BTN2A1: variants seen among roughly 807,000 people sequenced by gnomAD.
BTN2A1 encodes the protein butyrophilin subfamily 2 member A1.
Under a neutral mutation model 34.5 loss-of-function variants are expected in BTN2A1, and 41 were observed. The observed-to-expected ratio is 1.19, with a 90% confidence interval of 0.93 to 1.54. The LOEUF (loss-of-function observed/expected upper bound fraction) is 1.54. BTN2A1 is among the 40% of genes most tolerant of loss of function. The pLI is 0.00. For synonymous variants in BTN2A1, 267 were observed against 258.6 expected, an observed-to-expected ratio of 1.03 and a Z score of -0.31; for missense variants, 642 against 662.0, an observed-to-expected ratio of 0.97 and a Z score of 0.33.
exon 8 of BTN2A1, chr6:26,476,580 G>A: frequency 3.6e-6 from 1 of 276,668 alleles, no homozygotes; most frequent in African/African-American, 2.2e-5. Flanking sequence ...CAAGCCACTG[G>A]GCACTCATAT....
chr6:26,462,458 G>T (rs889136633), intron 3 of BTN2A1, among the ~76,000 whole-genome samples: 1 of 152,202 alleles, frequency 6.6e-6, no homozygotes, highest in East Asian at 1.9e-4. Flanking sequence ...GAAGCAGGAG[G>T]ATCTCTTGAG....
chr6:26,476,046 A>AG, intron 7 of BTN2A1: 1 of 1,179,048 alleles, frequency 8.5e-7, no homozygotes, highest in Non-Finnish European at 1.2e-6. Context: ...TTTTTAGTGT[A>AG]GTGATTTCAA....
Position 26,468,168 on chromosome 6 carries a change from G to C in BTN2A1, c.1203G>C (p.Gly401=). 1 of 1,614,184 alleles carries C rather than the reference G, an allele frequency of 6.2e-7. No individual in the cohort carries two copies. The highest frequency in any genetic ancestry group is 2.2e-5 in the East Asian group (1 of 44,884). ...EVENVIEWTV[G]VCRDSVERKG... The stretch of plus-strand genomic sequence containing the variant: ...AAAACGTGATTGAGTGGACTGTGGG[G>C]GTCTGTAGAGACAGTGTTGAGAGGA... Residue 401 remains glycine, a synonymous_variant, in exon 8 of 8, where the codon GGG becomes GGC. Transcript: ENST00000312541.
rs757341425 is a variant in BTN2A1, at chr6:26,465,957, A to C, written c.939A>C (p.Lys313Asn). 5 of 1,614,226 alleles carry C rather than the reference A, an allele frequency of 3.1e-6. No individual in the cohort carries two copies. The highest frequency in any genetic ancestry group is 4.2e-6 in the Non-Finnish European group (5 of 1,180,028). ...TTTTCTTTGTTTGTTTTTCAGAGAA[A>C]CTTCAAGAAGAATTGCGTAAGTTTA... Reference protein sequence around the residue: ...QKEEELQVKEKLQEELRWRRT... With the variant: ...QKEEELQVKENLQEELRWRRT... Residue 313 changes from lysine (K) to asparagine (N), a missense_variant, in exon 6 of 8, where the codon AAA becomes AAC. Lys to Asn is a moderately conservative substitution (Grantham distance 94). Transcript: ENST00000312541.
At position 26,458,668 on chromosome 6, in the gene BTN2A1, G is replaced by T. The variant is rs1038899519; in HGVS notation, c.32G>T (p.Arg11Leu). The T allele has an allele frequency of 7.4e-6, 12 of 1,613,844 alleles. No homozygotes were observed. Among genetic ancestry groups the T allele is most frequent in the Admixed American group, 3.3e-5 (2 of 59,986 alleles). The change falls in exon 2 of 8, where the codon CGG (arginine) becomes CTG (leucine). Residue 11 changes from arginine to leucine, a missense_variant. Coordinates refer to ENST00000312541, the MANE Select transcript of BTN2A1 (RefSeq NM_007049.5). ...TCAGCTGCTGCCCTGCACTTCTCCC[G>T]GCCAGCCTCCCTCCTCCTCCTCCTC... is the stretch of plus-strand genomic sequence containing the variant. MESAAALHFS[R>L]PASLLLLLLS...
In BTN2A1 at chr6:26,468,649, G is replaced by A; in HGVS notation, c.*100G>A. The A allele has an allele frequency of 6.2e-7, 1 of 1,613,846 alleles. No individual in the cohort carries two copies. Among genetic ancestry groups the A allele is most frequent in the South Asian group, 1.1e-5 (1 of 90,824 alleles). Reference sequence around the variant, plus strand: ...GGAAGACACGCCCTCCTCCCCTCTGGTCACACAAGAGAACATCTTCCAGCT... The same window carrying A: ...GGAAGACACGCCCTCCTCCCCTCTGATCACACAAGAGAACATCTTCCAGCT... On this transcript the variant is annotated 3_prime_UTR_variant, in exon 8 of 8. Transcript: ENST00000312541.
Position 26,468,332 on chromosome 6 carries a change from A to G in BTN2A1, c.1367A>G (p.Tyr456Cys), listed in dbSNP as rs1272459652. 1 of 1,614,162 alleles carries G rather than the reference A, an allele frequency of 6.2e-7. No homozygotes were observed. Among genetic ancestry groups the G allele is most frequent in the Non-Finnish European group, 8.5e-7 (1 of 1,180,034 alleles). ...SLCRVGVFLD[Y>C]EAGDVSFYNM... ...TGCCGGGTGGGCGTCTTCCTGGACTATGAAGCTGGAGATGTCTCCTTCTAC... is the reference window on the plus strand; with the variant it reads ...TGCCGGGTGGGCGTCTTCCTGGACTGTGAAGCTGGAGATGTCTCCTTCTAC... Residue 456 changes from tyrosine (Y) to cysteine (C), a missense_variant, in exon 8 of 8, where the codon TAT becomes TGT. Physicochemically the swap from Tyr to Cys is radical, Grantham distance 194. Coordinates refer to ENST00000312541, the MANE Select transcript of BTN2A1 (RefSeq NM_007049.5).
intron 5 of BTN2A1, 66 bp downstream of exon 5, chr6:26,465,472 AGAT>A: frequency 6.8e-7 from 1 of 1,471,122 alleles, no homozygotes; most frequent in South Asian, 1.2e-5. Flanking sequence ...TGAGGCAGGC[AGAT>A]CACTTGAGCC....
At chr6:26,466,173 G>A (rs576945668) in intron 7 of BTN2A1, 85 bp downstream of exon 7, 5 of 1,605,608 alleles carry the variant, frequency 3.1e-6, no homozygotes, top group Non-Finnish European at 3.4e-6. Flanking sequence ...TGAGCAAGGG[G>A]CCCAGGGCAA....
chr6:26,460,241 A>G (rs755336481), intron 3 of BTN2A1, among the ~76,000 whole-genome samples: 3 of 151,982 alleles, frequency 2.0e-5, no homozygotes, highest in Non-Finnish European at 4.4e-5. Flanking sequence ...CCCAGGTTGC[A>G]CTTCTGAGAG....
chr6:26,462,363 G>A (rs925415828), intron 3 of BTN2A1, among the ~76,000 whole-genome samples: 1 of 151,992 alleles, frequency 6.6e-6, no homozygotes, highest in Non-Finnish European at 1.5e-5. Flanking sequence ...TGTTCTCCAA[G>A]TACTATAAGA....
At position 26,462,759 on chromosome 6, in the gene BTN2A1, C is replaced by T. The variant is rs142722435; in HGVS notation, c.431-485C>T. ...TCAAAAGGTTTCTTAGGATTCTGCC[C>T]GCCTGGCAGACTTTCGTCCTTCTCG... On this transcript the variant is annotated intron_variant, in intron 3 of 7. Transcript: ENST00000312541. The T allele has an allele frequency of 6.3e-4, 794 of 1,250,500 alleles. 12 individuals carry two copies. The South Asian group carries it at 8.9e-3, about 14-fold the overall frequency. The allele number at this position is 1,250,500 out of a possible 1,614,324, so 77.5% of individuals were successfully genotyped here.
chr6:26,473,988 A>C (rs1197305224), downstream of BTN2A1, among the ~76,000 whole-genome samples: 1 of 152,230 alleles, frequency 6.6e-6, no homozygotes, highest in Non-Finnish European at 1.5e-5. Context: ...TGTTTCTCGG[A>C]CCGAGTGTAC....
downstream of BTN2A1, among the ~76,000 whole-genome samples, chr6:26,470,301 C>T (rs560855440): frequency 1.3e-4 from 20 of 152,210 alleles, no homozygotes; most frequent in African/African-American, 4.6e-4. Context: ...GAGCCAAGAT[C>T]GTGCTGCTTC....
intron 3 of BTN2A1, chr6:26,462,707 C>A: frequency 2.3e-6 from 2 of 883,002 alleles, no homozygotes; most frequent in Non-Finnish European, 3.2e-6. Context: ...AAGTTCTGAA[C>A]TAGACAGAAG....
intron 3 of BTN2A1, among the ~76,000 whole-genome samples, chr6:26,461,564 T>C (rs6920948): frequency 0.88 from 133,359 of 152,202 alleles, 58,605 homozygotes; most frequent in African/African-American, 0.94. Flanking sequence ...GGGTGGGTCA[T>C]CCGAGGTCAG....
downstream of BTN2A1, among the ~76,000 whole-genome samples, chr6:26,470,828 G>A (rs1763436201): frequency 6.6e-6 from 1 of 152,178 alleles, no homozygotes; most frequent in Non-Finnish European, 1.5e-5. Flanking sequence ...TTGGTTCTGA[G>A]GCTGTCACAC....
chr6:26,476,107 C>CAA (rs1209108180), intron 7 of BTN2A1: 1 of 1,535,152 alleles, frequency 6.5e-7, no homozygotes, highest in South Asian at 1.2e-5. Context: ...TCCTATGTCT[C>CAA]CTTTTGAGTT....
At chr6:26,467,706 C>T in intron 7 of BTN2A1, 1 of 1,586,060 alleles carries the variant, frequency 6.3e-7, no homozygotes, top group Non-Finnish European at 8.6e-7. Flanking sequence ...GCTAAACTTT[C>T]CGGATTTCTT....
Sources: allele counts gnomAD v4.1 joint callset (sites outside exome capture counted in the v4.1 genomes callset), GRCh38; gene constraint gnomAD v4.1.1; transcripts MANE v1.5; gene names NCBI Gene and HGNC (gene_info 2026-07-23, HGNC 2026-07-21).